DGCR8: variants seen among roughly 807,000 people sequenced by gnomAD.
The protein encoded by DGCR8 is DGCR8 microprocessor complex subunit.
A neutral mutation model predicts 78.5 loss-of-function variants in DGCR8; 14 were observed. The observed-to-expected ratio is 0.18, with a 90% CI of 0.12 to 0.28. DGCR8 has a LOEUF of 0.28. Ranked by LOEUF, DGCR8 falls within the 10% of genes least tolerant of loss-of-function variation. The pLI is 1.00. For synonymous variants in DGCR8, 399 were observed against 402.4 expected, an observed-to-expected ratio of 0.99 and a Z score of 0.10; for missense variants, 702 against 1,022.5, an observed-to-expected ratio of 0.69 and a Z score of 4.28.
chr22:20,110,052 T>A lies in DGCR8; in HGVS notation c.2266T>A (p.Ser756Thr), dbSNP rs201476247. The change falls in exon 14 of 14, where the codon TCC becomes ACC. Residue 756 changes from serine to threonine, a missense_variant. By Grantham distance (58) the Ser-to-Thr change is moderately conservative. Transcript: ENST00000351989. Reference protein sequence around the residue: ...REETRKKPKMSIVASAQPGGE... With the variant: ...REETRKKPKMTIVASAQPGGE... Reference sequence around the variant, plus strand: ...GGAGACTCGAAAGAAGCCCAAGATGTCCATTGTGGCGTCCGCCCAGCCTGG... The same window carrying A: ...GGAGACTCGAAAGAAGCCCAAGATGACCATTGTGGCGTCCGCCCAGCCTGG... The A allele has an allele frequency of 5.2e-5, 84 of 1,613,572 alleles. No homozygotes were observed. Among genetic ancestry groups the A allele is most frequent in the Middle Eastern group, 1.6e-4 (1 of 6,062 alleles).
intron 1 of DGCR8, among the ~76,000 whole-genome samples, chr22:20,083,078 G>C (rs2147911793): frequency 6.6e-6 from 1 of 152,180 alleles, no homozygotes; most frequent in East Asian, 1.9e-4. Context: ...CCAGCCCTCT[G>C]CTTTTCCTCT....
intron 9 of DGCR8, among the ~76,000 whole-genome samples, chr22:20,104,473 G>A (rs1174083356): frequency 2.6e-5 from 4 of 152,274 alleles, no homozygotes; most frequent in East Asian, 1.9e-4. Context: ...GGCTGGCGTC[G>A]GTCTTTTGCC....
intron 1 of DGCR8, among the ~76,000 whole-genome samples, chr22:20,084,518 C>A (rs1393553691): frequency 6.6e-6 from 1 of 152,188 alleles, no homozygotes; most frequent in Non-Finnish European, 1.5e-5. Flanking sequence ...TAACCCTCAT[C>A]TCTGGGTGGC....
intron 12 of DGCR8, chr22:20,108,590 C>T: frequency 3.2e-6 from 1 of 308,290 alleles, no homozygotes; most frequent in Non-Finnish European, 6.4e-6. Context: ...ACTCTGGGCA[C>T]CACGAGCACC....
At chr22:20,088,883 A>G (rs1281531244) in intron 3 of DGCR8, among the ~76,000 whole-genome samples, 1 of 152,100 alleles carries the variant, frequency 6.6e-6, no homozygotes, top group Non-Finnish European at 1.5e-5. Context: ...CCCAGGCTCA[A>G]GTGATCCTCC....
In DGCR8 at chr22:20,087,326, G is replaced by C; in HGVS notation, c.880+5G>C. On this transcript the variant is annotated splice_donor_5th_base_variant and intron_variant, in intron 3 of 13. Coordinates refer to ENST00000351989, the MANE Select transcript of DGCR8 (RefSeq NM_022720.7). This position sits in a 1 kb window ranked among gnomAD's most constrained non-coding sequence, Gnocchi z 4.1. ...AGATTAAAACAGTGCTCAAAAGTAC[G>C]TGTGTGGGTCAGAAGCAGTGGGTGT... is the stretch of plus-strand genomic sequence containing the variant. 6.3e-7 allele frequency: 1 copy of C among 1,599,178 alleles called. No individual in the cohort carries two copies. The highest frequency in any genetic ancestry group is 8.6e-7 in the Non-Finnish European group (1 of 1,168,960).
intron 11 of DGCR8, 72 bp downstream of exon 11, chr22:20,106,770 G>A: frequency 9.2e-7 from 1 of 1,088,844 alleles, no homozygotes; most frequent in Non-Finnish European, 1.4e-6. Flanking sequence ...CGCCTCTGTG[G>A]CTTGGTCTCA....
rs78119820 is a variant in DGCR8, at chr22:20,099,877, C to T, written c.1788+5082C>T. 8.1e-3 allele frequency among the ~76,000 whole-genome samples: 1,228 copies of T among 152,306 alleles called. 21 individuals are homozygous for T. The highest frequency in any genetic ancestry group is 0.028 in the African/African-American group (1,156 of 41,550). On this transcript the variant is annotated intron_variant, in intron 9 of 13. Coordinates refer to ENST00000351989, the MANE Select transcript of DGCR8 (RefSeq NM_022720.7). Reference sequence around the variant, plus strand: ...CTTGAACTCCTGGCTTCAAGCAGTCCTCCTGCCTCAGCCTCCCAGGATGAT... The same window carrying T: ...CTTGAACTCCTGGCTTCAAGCAGTCTTCCTGCCTCAGCCTCCCAGGATGAT...
At chr22:20,103,665 C>G (rs1255377261) in intron 9 of DGCR8, among the ~76,000 whole-genome samples, 1 of 152,124 alleles carries the variant, frequency 6.6e-6, no homozygotes, top group Non-Finnish European at 1.5e-5. Context: ...TGTCATCAAG[C>G]GAAGTGGGAA....
Position 20,086,906 on chromosome 22 carries a change from C to A in DGCR8, c.720+223C>A. 3 of 743,902 alleles carry A rather than the reference C, an allele frequency of 4.0e-6. No individual in the cohort carries two copies. Among genetic ancestry groups the A allele is most frequent in the Non-Finnish European group, 6.3e-6 (3 of 474,028 alleles). 46.1% of individuals were successfully genotyped at this position (743,902 alleles called of 1,614,324 possible). A position where few individuals can be genotyped will look rare whatever the true frequency, so the allele number is the denominator to read the frequency against. ...TTTGGCCCATGGGTAGGCCCTGCAT[C>A]CCTGATCTAGCGCGTGGGGCAGCAG... On this transcript the variant is annotated intron_variant, in intron 2 of 13. Coordinates refer to ENST00000351989, the MANE Select transcript of DGCR8 (RefSeq NM_022720.7). The surrounding 1 kb of genome is among the most constrained non-coding windows in gnomAD (Gnocchi z 6.4).
chr22:20,108,780 A>AGACCCTGGGCGCGCCTACCTTGCCT, intron 12 of DGCR8, 110 bp from the exon 13 acceptor site: 1 of 757,230 alleles, frequency 1.3e-6, no homozygotes, highest in South Asian at 1.4e-5. Context: ...CGTGTCTGCC[A>AGACCCTGGGCGCGCCTACCTTGCCT]GACCCTGGGC....
chr22:20,090,339 A>G, intron 5 of DGCR8, 81 bp downstream of exon 5: 10 of 1,470,952 alleles, frequency 6.8e-6, no homozygotes, highest in Non-Finnish European at 9.1e-6. Flanking sequence ...ATAATTGTTC[A>G]TAGTTCCTAG....
At chr22:20,097,729 T>A (rs1212414597) in intron 9 of DGCR8, among the ~76,000 whole-genome samples, 1 of 152,090 alleles carries the variant, frequency 6.6e-6, no homozygotes, top group Non-Finnish European at 1.5e-5. Flanking sequence ...ATTCTGCTGG[T>A]AAACCCCTCT....
intron 11 of DGCR8, 33 bp from the exon 12 acceptor site, chr22:20,107,238 C>A (rs2049781843): frequency 1.2e-6 from 2 of 1,613,698 alleles, no homozygotes; most frequent in Non-Finnish European, 1.7e-6. Context: ...GTGTTTGTGA[C>A]CCCCTCTCCA....
In DGCR8 at chr22:20,081,476, C is replaced by T. The variant is rs2049417571; in HGVS notation, c.-278+1093C>T. Among the ~76,000 whole-genome samples the T allele has an allele frequency of 1.3e-5, 2 of 152,236 alleles. 1 individual carries two copies. Among genetic ancestry groups the T allele is most frequent in the South Asian group, 4.1e-4 (2 of 4,832 alleles). Reference sequence around the variant, plus strand: ...CTGGAGCAGTGGGGAGGCCTACGGGCAGAGAGCTCCCCTTTGAGCCCTTTG... The same window carrying T: ...CTGGAGCAGTGGGGAGGCCTACGGGTAGAGAGCTCCCCTTTGAGCCCTTTG... On this transcript the variant is annotated intron_variant, in intron 1 of 13. Coordinates refer to ENST00000351989, the MANE Select transcript of DGCR8 (RefSeq NM_022720.7).
chr22:20,102,508 C>T (rs1217625751), intron 9 of DGCR8, among the ~76,000 whole-genome samples: 1 of 152,186 alleles, frequency 6.6e-6, no homozygotes, highest in Non-Finnish European at 1.5e-5. Flanking sequence ...GCTGTAAGGT[C>T]GTCCAGGTCT....
rs1164235656 is a variant in DGCR8 at position 20,083,549 on chromosome 22, G to A, written c.-277-2138G>A. ...TCAGTGCCGCCGCTTGGCCCCATTA[G>A]CACCTTTGCTTGGAACGTCTACTCT... On this transcript the variant is annotated intron_variant, in intron 1 of 13. Coordinates refer to ENST00000351989, the MANE Select transcript of DGCR8 (RefSeq NM_022720.7). 2.0e-5 allele frequency among the ~76,000 whole-genome samples: 3 copies of A among 152,024 alleles called. No individual in the cohort carries two copies. In the East Asian group the frequency reaches 5.8e-4, roughly 29 times the overall value.
intron 9 of DGCR8, among the ~76,000 whole-genome samples, chr22:20,095,055 C>T (rs1024673682): frequency 5.3e-5 from 8 of 152,064 alleles, no homozygotes; most frequent in Admixed American, 4.6e-4. Context: ...CCGTAAATGT[C>T]GGGTACACAT....
chr22:20,086,400 C>A lies in DGCR8; in HGVS notation c.437C>A (p.Ala146Glu). ...ACAGGAGCAGAGCGCGACGTGCGGG[C>A]GGAGTGCGGTCTGCTCCTTAGCCCT... ...LYTGAERDVR[A>E]ECGLLLSPVS... Residue 146 changes from alanine to glutamate, a missense_variant, in exon 2 of 14, where the codon GCG (alanine) becomes GAG (glutamate). Physicochemically the swap from Ala to Glu is moderately radical, Grantham distance 107. Coordinates refer to ENST00000351989, the MANE Select transcript of DGCR8 (RefSeq NM_022720.7). This position sits in a 1 kb window ranked among gnomAD's most constrained non-coding sequence, Gnocchi z 6.4. 1 of 1,613,772 alleles carries A rather than the reference C, an allele frequency of 6.2e-7. No individual in the cohort carries two copies.
Sources: gnomAD v4.1 joint callset for allele counts (sites outside exome capture counted in the v4.1 genomes callset) on GRCh38, gnomAD v4.1.1 for gene constraint, Gnocchi (gnomAD v3.1) non-coding constraint, MANE v1.5 for transcripts, NCBI Gene and HGNC (gene_info 2026-07-23, HGNC 2026-07-21) for gene names.